Variants in WDFY4 observed in about 807,000 individuals in gnomAD.
WDFY4 encodes WDFY family member 4, also known as WD repeat- and FYVE domain-containing protein 4.
A neutral mutation model predicts 351.9 loss-of-function variants in WDFY4; 169 were observed. That is an observed-to-expected ratio of 0.48 (90% CI 0.42 to 0.55). The LOEUF (loss-of-function observed/expected upper bound fraction) is 0.55, where lower values mean the gene tolerates loss of function less well. WDFY4 is among the 20% of genes least tolerant of loss of function. WDFY4 has a pLI of 0.00. For missense variants in WDFY4, 3,803 were observed against 3,935.6 expected (o/e 0.97, Z 0.90); for synonymous variants, 1,622 against 1,574.6 (o/e 1.03, Z -0.71).
chr10:48,710,201 G>A (rs917682987), intron 2 of WDFY4, among the ~76,000 whole-genome samples: 4 of 152,200 alleles, frequency 2.6e-5, no homozygotes, highest in Admixed American at 2.6e-4. Context: ...CCAACATTAA[G>A]GCACATTAAG....
intron 47 of WDFY4, chr10:48,909,499 GT>G (rs1837814765): frequency 6.6e-6 from 1 of 152,088 alleles, no homozygotes; most frequent in East Asian, 1.9e-4. Flanking sequence ...AAGAAAAGAA[GT>G]TTATTTGAGT....
rs2067697799 is a variant in WDFY4 at position 48,818,445 on chromosome 10, C to T, written c.5505+1036C>T. 3.3e-5 allele frequency among the ~76,000 whole-genome samples: 5 copies of T among 152,196 alleles called. No homozygotes were observed. The South Asian group carries it at 8.3e-4, about 25-fold the overall frequency. ...TGGTGCTTTAGAAAACCTGAATTGCCACCTGATGAAGGTGGTGTCTGAGAG... is the reference window on the plus strand; with the variant it reads ...TGGTGCTTTAGAAAACCTGAATTGCTACCTGATGAAGGTGGTGTCTGAGAG... On this transcript the variant is annotated intron_variant, in intron 32 of 61. Coordinates refer to ENST00000325239, the MANE Select transcript of WDFY4 (RefSeq NM_001394531.1).
At chr10:48,831,256 T>A (rs2133061920) in intron 38 of WDFY4, among the ~76,000 whole-genome samples, 2 of 152,318 alleles carry the variant, frequency 1.3e-5, no homozygotes, top group East Asian at 3.9e-4. Flanking sequence ...TGAGCTTAGG[T>A]TCCTCATGTC....
chr10:48,770,640 G>A (rs2065833729), intron 13 of WDFY4, among the ~76,000 whole-genome samples: 1 of 152,224 alleles, frequency 6.6e-6, no homozygotes, highest in African/African-American at 2.4e-5. Context: ...GAGAGAGTTG[G>A]AGCCTCAGAA....
rs181696156 is a variant in WDFY4 at position 48,769,332 on chromosome 10, A to G, written c.2554-5126A>G. 4.6e-4 allele frequency among the ~76,000 whole-genome samples: 70 copies of G among 152,376 alleles called. No individual in the cohort carries two copies. In the East Asian group the frequency reaches 0.013, roughly 27 times the overall value. On this transcript the variant is annotated intron_variant, in intron 13 of 61. Coordinates refer to ENST00000325239, the MANE Select transcript of WDFY4 (RefSeq NM_001394531.1). Reference sequence around the variant, plus strand: ...GGCAAAATGGAAAGTTCATGCTCATATAAAGAGAGACATAATTCTAAGTAG... The same window carrying G: ...GGCAAAATGGAAAGTTCATGCTCATGTAAAGAGAGACATAATTCTAAGTAG...
At chr10:48,773,138 G>A (rs2065922043) in intron 13 of WDFY4, among the ~76,000 whole-genome samples, 1 of 152,126 alleles carries the variant, frequency 6.6e-6, no homozygotes, top group Non-Finnish European at 1.5e-5. Flanking sequence ...TAAAAAGTCA[G>A]GAAACAACAG....
chr10:48,776,536 A>C (rs2066036161), intron 15 of WDFY4, among the ~76,000 whole-genome samples: 1 of 152,212 alleles, frequency 6.6e-6, no homozygotes, highest in South Asian at 2.1e-4. Flanking sequence ...AGTTTCTAGA[A>C]GGAGCAGGTT....
intron 31 of WDFY4, among the ~76,000 whole-genome samples, chr10:48,814,350 C>T (rs2067551552): frequency 6.6e-6 from 1 of 152,164 alleles, no homozygotes; most frequent in South Asian, 2.1e-4. Flanking sequence ...AGATTTATTG[C>T]CTTCAGTCAA....
At chr10:48,807,462 G>A (rs755072932) in intron 27 of WDFY4, among the ~76,000 whole-genome samples, 1 of 152,134 alleles carries the variant, frequency 6.6e-6, no homozygotes, top group Non-Finnish European at 1.5e-5. Context: ...TTGAAAGCAG[G>A]AACAAAGAGA....
chr10:48,735,894 C>T lies in WDFY4; in HGVS notation c.1702C>T (p.His568Tyr). 1.3e-6 allele frequency: 2 copies of T among 1,551,576 alleles called. No homozygotes were observed. Among genetic ancestry groups the T allele is most frequent in the East Asian group, 2.4e-5 (1 of 40,930 alleles). The change falls in exon 11 of 62, where the codon CAC (histidine) becomes TAC (tyrosine). Residue 568 changes from histidine (H) to tyrosine (Y), a missense_variant. Coordinates refer to ENST00000325239, the MANE Select transcript of WDFY4 (RefSeq NM_001394531.1). ...CTGATCCTTAGTTGTCCTGAAGGAC[C>T]ACGGCATGGTGCCCTTCATCAAGAT... ...SVRNAVVLKD[H>Y]GMVPFIKIFL...
At chr10:48,913,877 G>T in intron 47 of WDFY4, 1 of 1,614,140 alleles carries the variant, frequency 6.2e-7, no homozygotes. Flanking sequence ...TGGTCATCTG[G>T]CCAATGGACT....
intron 57 of WDFY4, 135 bp from the exon 58 acceptor site, chr10:48,974,727 C>A (rs1842491969): frequency 5.4e-6 from 5 of 921,458 alleles, no homozygotes; most frequent in African/African-American, 1.7e-5. Context: ...GCACAGACAA[C>A]AGACTTGGGA....
chr10:48,788,947 C>T (rs1433427065), intron 21 of WDFY4, among the ~76,000 whole-genome samples: 1 of 152,250 alleles, frequency 6.6e-6, no homozygotes, highest in Non-Finnish European at 1.5e-5. Context: ...ACCTTTGCAA[C>T]ATTGAAAACA....
intron 35 of WDFY4, chr10:48,823,245 C>T (rs755375436): frequency 4.5e-5 from 58 of 1,302,156 alleles, no homozygotes; most frequent in Non-Finnish European, 5.7e-5. Context: ...TTTGCTCAAA[C>T]CCTCCCTGTG....
chr10:48,715,716 C>T (rs2063885742), intron 2 of WDFY4, among the ~76,000 whole-genome samples: 1 of 152,144 alleles, frequency 6.6e-6, no homozygotes, highest in Non-Finnish European at 1.5e-5. Flanking sequence ...AGCTCCGCCT[C>T]CCAGATTCAT....
At chr10:48,802,628 A>G (rs1429037655) in intron 24 of WDFY4, 4 of 460,144 alleles carry the variant, frequency 8.7e-6, no homozygotes, top group Middle Eastern at 3.7e-4. Context: ...AAGGATCACT[A>G]GCAGCTACAT....
At chr10:48,851,472 A>G (rs2068955453) in intron 39 of WDFY4, among the ~76,000 whole-genome samples, 1 of 152,220 alleles carries the variant, frequency 6.6e-6, no homozygotes, top group African/African-American at 2.4e-5. Flanking sequence ...TGGCCAATAC[A>G]GTGCAGGTGA....
intron 16 of WDFY4, 39 bp from the exon 17 acceptor site, chr10:48,777,380 C>T: frequency 5.9e-6 from 9 of 1,525,728 alleles, no homozygotes; most frequent in Non-Finnish European, 8.0e-6. Flanking sequence ...AAGAGATTGG[C>T]TTGCAGTCCA....
Position 48,974,518 on chromosome 10 carries a change from A to AC in WDFY4, c.8929-344_8929-343insC, listed in dbSNP as rs1554824250. 5.4e-4 allele frequency among the ~76,000 whole-genome samples: 15 copies of AC among 27,972 alleles called. 2 individuals are homozygous for AC. In the Admixed American group the frequency reaches 6.1e-3, roughly 11 times the overall value. The allele number at this position is 27,972 out of a possible 152,430, so 18.4% of individuals were successfully genotyped here. ...ACTCCGTCTCAAAAAAAAAAAAAAA[A>AC]AAAAAAAAAAACAACTCATGACATG... On this transcript the variant is annotated intron_variant, in intron 57 of 61. Coordinates refer to ENST00000325239, the MANE Select transcript of WDFY4 (RefSeq NM_001394531.1).
Sources: gnomAD v4.1 joint callset for allele counts (sites outside exome capture counted in the v4.1 genomes callset) on GRCh38, gnomAD v4.1.1 for gene constraint, MANE v1.5 for transcripts, NCBI Gene and HGNC (gene_info 2026-07-23, HGNC 2026-07-21) for gene names.